Variants in SPIRE1 observed in about 807,000 individuals in gnomAD.
The protein encoded by SPIRE1 is spire type actin nucleation factor 1.
A neutral mutation model predicts 94.1 loss-of-function variants in SPIRE1; 40 were observed. That is an observed-to-expected ratio of 0.43 (90% confidence interval 0.33 to 0.55). The LOEUF (loss-of-function observed/expected upper bound fraction) is 0.55. Among genes scored for constraint, SPIRE1 ranks in the 20% least tolerant of loss-of-function variants. The probability of loss-of-function intolerance (pLI) is 0.06; values close to 1 mark genes in which losing one functional copy is unlikely to be tolerated. For missense variants in SPIRE1, 838 were observed against 975.2 expected, an observed-to-expected ratio of 0.86 and a Z score of 1.87; for synonymous variants, 376 against 371.7, an observed-to-expected ratio of 1.01 and a Z score of -0.13.
chr18:12,466,891 T>A lies in SPIRE1; in HGVS notation c.1405-1933A>T, dbSNP rs557608857. Among the ~76,000 whole-genome samples the A allele has an allele frequency of 6.6e-5, 10 of 152,240 alleles. No homozygotes were observed. In the East Asian group the frequency reaches 1.7e-3, roughly 26 times the overall value. ...AAAACTGGCCTCACCTAAAACCTAC[T>A]GCTGAAATCATTAGTTTCAAGTAAG... On this transcript the variant is annotated intron_variant, in intron 10 of 16. Coordinates refer to ENST00000409402, the MANE Select transcript of SPIRE1 (RefSeq NM_001128626.2).
At chr18:12,548,926 A>T (rs2144297701) in intron 2 of SPIRE1, among the ~76,000 whole-genome samples, 1 of 152,310 alleles carries the variant, frequency 6.6e-6, no homozygotes, top group East Asian at 1.9e-4. Flanking sequence ...TCTATTATAA[A>T]AATGAATTTA....
At chr18:12,626,720 C>T (rs1367728362) in intron 2 of SPIRE1, among the ~76,000 whole-genome samples, 2 of 152,022 alleles carry the variant, frequency 1.3e-5, no homozygotes, top group Non-Finnish European at 2.9e-5. Context: ...CCGCAACTTT[C>T]TGGCTATGTC....
intron 5 of SPIRE1, among the ~76,000 whole-genome samples, chr18:12,511,802 G>T (rs1260687683): frequency 6.6e-6 from 1 of 152,044 alleles, no homozygotes; most frequent in Non-Finnish European, 1.5e-5. Context: ...ATAGTTCACT[G>T]CAGCCTCAAC....
chr18:12,576,015 C>G (rs1464272392), intron 2 of SPIRE1, among the ~76,000 whole-genome samples: 1 of 151,896 alleles, frequency 6.6e-6, no homozygotes, highest in Non-Finnish European at 1.5e-5. Context: ...ACCAGCCTGA[C>G]CAACATGGAG....
At position 12,482,592 on chromosome 18, in the gene SPIRE1, G is replaced by C. The variant is rs562837237; in HGVS notation, c.1232-2721C>G. On this transcript the variant is annotated intron_variant, in intron 9 of 16. Transcript: ENST00000409402. ...AGATTAAAAATTTTTAATAGTACCG[G>C]GGCACTTAAGGCTGGCAGAAATTCA... Among the ~76,000 whole-genome samples, 79 of 152,132 alleles carry C rather than the reference G, an allele frequency of 5.2e-4. 1 individual carries two copies. Among genetic ancestry groups the C allele is most frequent in the African/African-American group, 1.9e-3 (79 of 41,486 alleles).
Position 12,572,907 on chromosome 18 carries a change from T to G in SPIRE1, c.373-26003A>C, listed in dbSNP as rs1263772263. ...ACTCAAAAGGGATGATAGACCTAAA[T>G]GTAAAATCCGAAACTATAAAACTCC... On this transcript the variant is annotated intron_variant, in intron 2 of 16. Transcript: ENST00000409402. Among the ~76,000 whole-genome samples, 2 of 152,182 alleles carry G rather than the reference T, an allele frequency of 1.3e-5. 1 individual carries two copies. Among genetic ancestry groups the G allele is most frequent in the Admixed American group, 1.3e-4 (2 of 15,278 alleles).
chr18:12,595,691 G>A (rs895297571), intron 2 of SPIRE1, among the ~76,000 whole-genome samples: 2 of 152,186 alleles, frequency 1.3e-5, no homozygotes, highest in African/African-American at 4.8e-5. Flanking sequence ...AAAAATAAAT[G>A]AGGCATAGTC....
chr18:12,548,358 C>G (rs1322191431), intron 2 of SPIRE1, among the ~76,000 whole-genome samples: 1 of 152,174 alleles, frequency 6.6e-6, no homozygotes, highest in African/African-American at 2.4e-5. Flanking sequence ...GAGTCATTGA[C>G]TAGCTCTTAA....
At chr18:12,617,904 T>G (rs1268665489) in intron 2 of SPIRE1, among the ~76,000 whole-genome samples, 3 of 152,074 alleles carry the variant, frequency 2.0e-5, no homozygotes, top group Non-Finnish European at 4.4e-5. Context: ...ACTGAACATT[T>G]AGAGGACAGA....
At chr18:12,527,320 T>C (rs925885789) in intron 4 of SPIRE1, among the ~76,000 whole-genome samples, 2 of 152,216 alleles carry the variant, frequency 1.3e-5, no homozygotes, top group East Asian at 3.9e-4. Flanking sequence ...TAAGGTTTGT[T>C]GAACCGTGCT....
At chr18:12,642,571 A>G (rs181888061) in intron 1 of SPIRE1, among the ~76,000 whole-genome samples, 1 of 152,344 alleles carries the variant, frequency 6.6e-6, no homozygotes, top group African/African-American at 2.4e-5. Context: ...TGCAGAGCAA[A>G]TAAGTTTCAT....
chr18:12,615,923 AC>A (rs2037295280), intron 2 of SPIRE1, among the ~76,000 whole-genome samples: 1 of 152,174 alleles, frequency 6.6e-6, no homozygotes, highest in Non-Finnish European at 1.5e-5. Flanking sequence ...CTCCTTAGCA[AC>A]CTTTTACAGC....
intron 12 of SPIRE1, among the ~76,000 whole-genome samples, chr18:12,458,519 CAGG>C (rs1352877429): frequency 6.6e-6 from 1 of 151,972 alleles, no homozygotes; most frequent in African/African-American, 2.4e-5. Flanking sequence ...GAGGCTAAGG[CAGG>C]AGAATGGCGT....
At chr18:12,450,712 T>C in intron 16 of SPIRE1, 1 of 657,284 alleles carries the variant, frequency 1.5e-6, no homozygotes, top group Non-Finnish European at 2.7e-6. Flanking sequence ...AGAAGGATCC[T>C]AATGCCCCGA....
At chr18:12,599,550 C>G (rs2036774662) in intron 2 of SPIRE1, among the ~76,000 whole-genome samples, 1 of 152,238 alleles carries the variant, frequency 6.6e-6, no homozygotes, top group Non-Finnish European at 1.5e-5. Flanking sequence ...AGGTGTGAGC[C>G]ACCACATCCC....
At chr18:12,538,483 G>T (rs507868) in intron 3 of SPIRE1, among the ~76,000 whole-genome samples, 125,241 of 152,074 alleles carry the variant, frequency 0.82, 51,797 homozygotes, top group Middle Eastern at 0.89. Context: ...TTTTGAGGGA[G>T]CAGTCTTGGA....
At chr18:12,637,332 C>T (rs1158301720) in intron 1 of SPIRE1, among the ~76,000 whole-genome samples, 2 of 143,244 alleles carry the variant, frequency 1.4e-5, no homozygotes, top group African/African-American at 5.2e-5. Flanking sequence ...GCACTCCAGC[C>T]TGGGTGACAG....
At chr18:12,483,609 T>C (rs993693865) in intron 9 of SPIRE1, among the ~76,000 whole-genome samples, 30 of 152,194 alleles carry the variant, frequency 2.0e-4, no homozygotes, top group African/African-American at 7.2e-4. Context: ...AAATAAGTTA[T>C]ACTTACCATA....
intron 12 of SPIRE1, among the ~76,000 whole-genome samples, chr18:12,457,261 A>T (rs923689844): frequency 6.6e-6 from 1 of 152,214 alleles, no homozygotes; most frequent in African/African-American, 2.4e-5. Context: ...AATTTTGGAG[A>T]CTTCCCAAGG....
Sources: allele counts gnomAD v4.1 joint callset (sites outside exome capture counted in the v4.1 genomes callset), GRCh38; gene constraint gnomAD v4.1.1; transcripts MANE v1.5; gene names NCBI Gene and HGNC (gene_info 2026-07-23, HGNC 2026-07-21).